GAGE10: variants seen among roughly 807,000 people sequenced by gnomAD.
GAGE10 encodes G antigen 10.
In GAGE10, 9 loss-of-function variants were observed where a neutral mutation model predicts 11.5. The observed-to-expected ratio is 0.78, with a 90% CI of 0.47 to 1.37. The LOEUF is 1.37. GAGE10 is among the 40% of genes most tolerant of loss of function. GAGE10 has a pLI of 0.00. For synonymous variants in GAGE10, 23 were observed against 29.7 expected, an observed-to-expected ratio of 0.77 and a Z score of 0.73; for missense variants, 83 against 92.9, an observed-to-expected ratio of 0.89 and a Z score of 0.44.
intron 3 of GAGE10, among the ~76,000 whole-genome samples, chrX:49,308,888 G>A (rs782153766): frequency 1.5e-3 from 172 of 111,870 alleles, no homozygotes; most frequent in South Asian, 2.7e-3. Flanking sequence ...ACACGGGAGA[G>A]GCCCGTTTTG....
At position 49,305,488 on chromosome X, in the gene GAGE10, C is replaced by T. The variant is rs1294701802; in HGVS notation, c.166C>T (p.Gln56Ter). 1 of 1,188,108 alleles carries T rather than the reference C, an allele frequency of 8.4e-7. No individual in the cohort carries two copies. Among genetic ancestry groups the T allele is most frequent in the African/African-American group, 1.8e-5 (1 of 54,495 alleles). ...ATQRQDPAAAQEGEDEGASAG... is the reference protein window; with the variant it reads ...ATQRQDPAAA ...TCAACGTCAGGATCCTGCAGCTGCT[C>T]AGGAGGGAGAGGATGAGGGAGCATC... The change falls in exon 3 of 5, where the codon CAG becomes TAG. Residue 56 changes from glutamine to a stop codon, truncating the protein, a stop_gained. Coordinates refer to ENST00000407599, the MANE Select transcript of GAGE10 (RefSeq NM_001098413.4). LOFTEE classifies it high-confidence loss of function.
chrX:49,314,356 A>G, intron 3 of GAGE10, among the ~76,000 whole-genome samples: 1 of 112,640 alleles, frequency 8.9e-6, no homozygotes, highest in African/African-American at 3.2e-5. Context: ...AGCCCTAAAC[A>G]TCTGTATGGA....
At chrX:49,311,473 C>A (rs1557124738) in intron 3 of GAGE10, among the ~76,000 whole-genome samples, 1 of 111,323 alleles carries the variant, frequency 9.0e-6, no homozygotes, top group Non-Finnish European at 1.9e-5. Context: ...GTGCATTGCC[C>A]ACCCCAGTTT....
intron 3 of GAGE10, among the ~76,000 whole-genome samples, chrX:49,316,593 C>T (rs1469229952): frequency 9.0e-6 from 1 of 111,536 alleles, no homozygotes; most frequent in Non-Finnish European, 1.9e-5. Flanking sequence ...TTTTTCTGAT[C>T]CGGAGTCAAG....
intron 3 of GAGE10, among the ~76,000 whole-genome samples, chrX:49,315,609 T>C (rs782496842): frequency 8.9e-6 from 1 of 112,744 alleles, no homozygotes; most frequent in South Asian, 3.7e-4. Flanking sequence ...GATTACCTCT[T>C]AGCCTCAGAA....
intron 3 of GAGE10, among the ~76,000 whole-genome samples, chrX:49,316,417 T>C (rs1303788847): frequency 8.9e-6 from 1 of 112,249 alleles, no homozygotes; most frequent in Non-Finnish European, 1.9e-5. Flanking sequence ...AAAAGGTAGC[T>C]TCACTCTTTG....
intron 3 of GAGE10, among the ~76,000 whole-genome samples, chrX:49,311,659 C>A (rs1557124752): frequency 8.9e-6 from 1 of 112,454 alleles, no homozygotes; most frequent in East Asian, 2.8e-4. Flanking sequence ...AAGCTCTCAT[C>A]CAAGCCCTGG....
At chrX:49,308,130 A>T (rs1307657950) in intron 3 of GAGE10, among the ~76,000 whole-genome samples, 3 of 112,587 alleles carry the variant, frequency 2.7e-5, no homozygotes, top group Non-Finnish European at 5.6e-5. Flanking sequence ...TGCCCCACGA[A>T]ATGCTTAAAA....
intron 3 of GAGE10, among the ~76,000 whole-genome samples, chrX:49,309,506 C>T (rs1312215421): frequency 8.9e-6 from 1 of 111,916 alleles, no homozygotes; most frequent in African/African-American, 3.3e-5. Context: ...GTAGAATGCT[C>T]GCAGCTCATG....
Position 49,304,927 on chromosome X carries a change from T to C in GAGE10, c.68T>C (p.Ile23Thr), listed in dbSNP as rs371129235. Residue 23 changes from isoleucine (I) to threonine (T), a missense_variant, in exon 2 of 5, where the codon ATT becomes ACT. This residue lies in a region of GAGE10 where 15 missense variants were observed against 25.5 expected (regional missense o/e 0.59). Transcript: ENST00000407599. ...PRRYVEPPEM[I>T]GPMLPEQFSD... ...CGCTACGTAGAGCCCCCTGAAATGA[T>C]TGGGCCTATGCTGGTGAGTGCTTAA... 6.6e-6 allele frequency: 8 copies of C among 1,205,458 alleles called. No homozygotes were observed. The highest frequency in any genetic ancestry group is 3.0e-5 in the East Asian group (1 of 33,813).
chrX:49,310,696 C>G (rs368189839), intron 3 of GAGE10, among the ~76,000 whole-genome samples: 1 of 109,621 alleles, frequency 9.1e-6, no homozygotes. Context: ...GGGGGCCGAT[C>G]AATGGATTTT....
At chrX:49,314,909 A>G (rs1557125047) in intron 3 of GAGE10, among the ~76,000 whole-genome samples, 1 of 112,394 alleles carries the variant, frequency 8.9e-6, no homozygotes, top group Non-Finnish European at 1.9e-5. Context: ...TTTGGTTGTT[A>G]AAAACCTCCA....
intron 3 of GAGE10, among the ~76,000 whole-genome samples, chrX:49,308,791 A>G (rs1370606472): frequency 9.0e-6 from 1 of 111,231 alleles, no homozygotes; most frequent in East Asian, 2.8e-4. Flanking sequence ...AGGACATGAG[A>G]GAGGCTCGTT....
Position 49,303,667 on chromosome X carries a change from C to G in GAGE10, c.-95C>G, listed in dbSNP as rs17148349. 6.3e-3 allele frequency: 714 copies of G among 112,994 alleles called. 5 individuals are homozygous for G. The highest frequency in any genetic ancestry group is 0.022 in the African/African-American group (680 of 31,083). The allele number at this position is 112,994 out of a possible 1,213,427, so 9.3% of individuals were successfully genotyped here. A position where few individuals can be genotyped will look rare whatever the true frequency, so the allele number is the denominator to read the frequency against. On this transcript the variant is annotated 5_prime_UTR_variant, in exon 1 of 5. Transcript: ENST00000407599. ...GGGCGTCTTCTGCTCAGCCGCTTTA[C>G]CCACGTGGAGAACGCCAGGGAGCTG...
intron 3 of GAGE10, among the ~76,000 whole-genome samples, chrX:49,316,429 T>C (rs1169850042): frequency 8.9e-6 from 1 of 112,217 alleles, no homozygotes; most frequent in African/African-American, 3.2e-5. Flanking sequence ...CACTCTTTGT[T>C]TGGGGCTCAG....
At chrX:49,312,052 T>A (rs1230592723) in intron 3 of GAGE10, among the ~76,000 whole-genome samples, 1 of 112,117 alleles carries the variant, frequency 8.9e-6, no homozygotes, top group East Asian at 2.8e-4. Flanking sequence ...AGGACCCTGA[T>A]TGGAATGATG....
intron 3 of GAGE10, among the ~76,000 whole-genome samples, chrX:49,308,614 C>CTAAT (rs1557124403): frequency 1.8e-5 from 2 of 112,149 alleles, no homozygotes; most frequent in East Asian, 5.6e-4. Flanking sequence ...GAGTGGCCTG[C>CTAAT]CAATTTGGAT....
chrX:49,312,118 C>T lies in GAGE10; in HGVS notation c.203-5045C>T, dbSNP rs782425497. ...CCCACTGTTGCATAAATACGGTGAA[C>T]GAGCCGGGAAGATCTCAGAGATACC... On this transcript the variant is annotated intron_variant, in intron 3 of 4. Transcript: ENST00000407599. Among the ~76,000 whole-genome samples the T allele has an allele frequency of 2.7e-5, 3 of 111,940 alleles. No homozygotes were observed. The East Asian group carries it at 8.4e-4, about 31-fold the overall frequency.
rs782696385 is a variant in GAGE10 at position 49,317,154 on chromosome X, A to G, written c.203-9A>G. On this transcript the variant is annotated splice_polypyrimidine_tract_variant and intron_variant, in intron 3 of 4. Transcript: ENST00000407599. Reference sequence around the variant, plus strand: ...CTGCTTAAATTGATATGTATTTTTTATTTTTAATGGCCGAAGCCTGAAGCT... The same window carrying G: ...CTGCTTAAATTGATATGTATTTTTTGTTTTTAATGGCCGAAGCCTGAAGCT... 8.4e-7 allele frequency: 1 copy of G among 1,196,867 alleles called. No individual in the cohort carries two copies. Among genetic ancestry groups the G allele is most frequent in the African/African-American group, 1.8e-5 (1 of 56,907 alleles).
Sources: gnomAD v4.1 joint callset for allele counts (sites outside exome capture counted in the v4.1 genomes callset) on GRCh38, gnomAD v4.1.1 for gene constraint, gnomAD v4.1.1 regional missense constraint, MANE v1.5 for transcripts, NCBI Gene and HGNC (gene_info 2026-07-23, HGNC 2026-07-21) for gene names.